CEBPZ: variants seen among roughly 807,000 people sequenced by gnomAD.
CEBPZ encodes CCAAT enhancer binding protein zeta, also known as CCAAT/enhancer-binding protein zeta.
A neutral mutation model predicts 104.5 loss-of-function variants in CEBPZ; 78 were observed. That is an observed-to-expected ratio of 0.75 (90% CI 0.62 to 0.90). CEBPZ has a LOEUF of 0.90. Ranked by LOEUF, CEBPZ falls within the 40% of genes least tolerant of loss-of-function variation. The pLI, the probability that CEBPZ is intolerant of heterozygous loss-of-function variation, is 0.00. For missense variants in CEBPZ, 1,439 were observed against 1,233.5 expected (o/e 1.17, Z -2.50); for synonymous variants, 470 against 427.0 (o/e 1.10, Z -1.24).
Position 37,228,667 on chromosome 2 carries a change from A to G in CEBPZ, c.526T>C (p.Leu176=), listed in dbSNP as rs1226470585. Residue 176 remains leucine (L), a synonymous_variant, in exon 2 of 16, where the codon TTA becomes CTA. Coordinates refer to ENST00000234170, the MANE Select transcript of CEBPZ (RefSeq NM_005760.3). ...IFEFFERQTL[L]LRPGGKWYDL... ...TACCATTTGCCTCCAGGCCTAAGTA[A>G]CAAAGTCTGTCTCTCAAAAAATTCA... 1 of 1,614,180 alleles carries G rather than the reference A, an allele frequency of 6.2e-7. No homozygotes were observed. The highest frequency in any genetic ancestry group is 1.7e-5 in the Admixed American group (1 of 60,014).
chr2:37,216,305 TA>T lies in CEBPZ; in HGVS notation c.2311+10del, dbSNP rs1171729449. ...AATGAAAGCCAAATAATTCACTAAA[TA>T]GAAGCATACCTTTGCCTTTATGGGG... is the stretch of plus-strand genomic sequence containing the variant. On this transcript the variant is annotated intron_variant, in intron 7 of 15. Coordinates refer to ENST00000234170, the MANE Select transcript of CEBPZ (RefSeq NM_005760.3). 6.2e-7 allele frequency: 1 copy of T among 1,611,278 alleles called. No individual in the cohort carries two copies.
At chr2:37,219,659 A>G (rs983882690) in intron 5 of CEBPZ, among the ~76,000 whole-genome samples, 4 of 152,240 alleles carry the variant, frequency 2.6e-5, no homozygotes, top group Admixed American at 1.3e-4. Context: ...GAATAGCTGC[A>G]TAAGATACTT....
At chr2:37,209,425 G>T (rs373182080) in intron 13 of CEBPZ, 2 of 152,188 alleles carry the variant, frequency 1.3e-5, no homozygotes, top group Admixed American at 6.5e-5. Flanking sequence ...AAAATAGCAT[G>T]GTACTTGTAC....
chr2:37,205,262 CT>C (rs1189028712), intron 13 of CEBPZ, among the ~76,000 whole-genome samples: 1 of 152,194 alleles, frequency 6.6e-6, no homozygotes. Context: ...ATCATATCCC[CT>C]GTGACCTGCA....
rs371943143 is a variant in CEBPZ, at chr2:37,227,769, T to C, written c.1424A>G (p.Lys475Arg). The change falls in exon 2 of 16, where the codon AAA becomes AGA. Residue 475 changes from lysine (K) to arginine (R), a missense_variant. Lys to Arg is a conservative substitution (Grantham distance 26). Coordinates refer to ENST00000234170, the MANE Select transcript of CEBPZ (RefSeq NM_005760.3). ...AAGCATTTTTGATTCAACATCTTTT[T>C]TTTTGACACAAGTCCGAAAAAAGCA... ...YFCFFRTCVK[K>R]KDVESKMLSA... 2.5e-6 allele frequency: 4 copies of C among 1,613,786 alleles called. No homozygotes were observed. In the African/African-American group the frequency reaches 5.3e-5, roughly 22 times the overall value.
chr2:37,213,524 G>T, intron 10 of CEBPZ: 1 of 173,678 alleles, frequency 5.8e-6, no homozygotes, highest in Non-Finnish European at 1.2e-5. Flanking sequence ...CGATTCTCGT[G>T]CCTCTGCTTC....
At chr2:37,217,189 G>T in intron 5 of CEBPZ, 152 bp from the exon 6 acceptor site, 1 of 626,158 alleles carries the variant, frequency 1.6e-6, no homozygotes, top group Non-Finnish European at 2.8e-6. Context: ...CTTGAGCCCA[G>T]AAGTTGAGAC....
At chr2:37,227,325 T>C (rs998406974) in intron 2 of CEBPZ, among the ~76,000 whole-genome samples, 1 of 152,220 alleles carries the variant, frequency 6.6e-6, no homozygotes, top group Non-Finnish European at 1.5e-5. Flanking sequence ...TTTTACAACC[T>C]CTCAAAATGA....
chr2:37,211,734 G>A (rs1028877115), intron 12 of CEBPZ, 109 bp downstream of exon 12: 4 of 744,622 alleles, frequency 5.4e-6, no homozygotes, highest in Non-Finnish European at 8.2e-6. Context: ...GCTGACATGA[G>A]TATTAATTTG....
intron 13 of CEBPZ, among the ~76,000 whole-genome samples, chr2:37,207,403 C>T (rs1677575944): frequency 1.3e-5 from 2 of 152,154 alleles, no homozygotes; most frequent in African/African-American, 2.4e-5. Flanking sequence ...TATGGTAGGC[C>T]ACAAAACAAG....
chr2:37,202,059 C>A, intron 15 of CEBPZ, 156 bp from the exon 16 acceptor site: 1 of 482,630 alleles, frequency 2.1e-6, no homozygotes, highest in South Asian at 5.7e-5. Flanking sequence ...TGCTTTTCTT[C>A]TCATATTTAT....
chr2:37,231,487 C>G lies in CEBPZ; in HGVS notation c.81G>C (p.Glu27Asp). ...RPEEAVEDPD[E>D]EDEDNTSEAE... ...CTTCACTAGTATTATCCTCATCCTCCTCGTCCGGATCTTCTACTGCCTCCT... is the reference window on the plus strand; with the variant it reads ...CTTCACTAGTATTATCCTCATCCTCGTCGTCCGGATCTTCTACTGCCTCCT... The change falls in exon 1 of 16, where the codon GAG (glutamate) becomes GAC (aspartate). Residue 27 changes from glutamate (E) to aspartate (D), a missense_variant. Transcript: ENST00000234170. 1 of 1,614,278 alleles carries G rather than the reference C, an allele frequency of 6.2e-7. No homozygotes were observed. Among genetic ancestry groups the G allele is most frequent in the Non-Finnish European group, 8.5e-7 (1 of 1,180,050 alleles).
Position 37,228,342 on chromosome 2 carries a change from A to G in CEBPZ, c.851T>C (p.Met284Thr), listed in dbSNP as rs1431848774. 5 of 1,614,108 alleles carry G rather than the reference A, an allele frequency of 3.1e-6. No homozygotes were observed. The highest frequency in any genetic ancestry group is 1.7e-5 in the Admixed American group (1 of 60,010). ...KKKGSKQQCL[M>T]ALDTFKELLI... ...CAACTCTTTGAAAGTATCCAAGGCC[A>G]TAAGGCACTGCTGTTTGCTGCCCTT... The change falls in exon 2 of 16, where the codon ATG becomes ACG. Residue 284 changes from methionine (M) to threonine (T), a missense_variant. Transcript: ENST00000234170.
In CEBPZ at chr2:37,216,379, A is replaced by C. The variant is rs1677867319; in HGVS notation, c.2248T>G (p.Phe750Val). ...CGATCCAAAAATCTCATTAGAGTGA[A>C]ATCCTGCAGTGGGTCCCCTGAATAC... is the stretch of plus-strand genomic sequence containing the variant. ...IQYSGDPLQD[F>V]TLMRFLDRFV... Residue 750 changes from phenylalanine to valine, a missense_variant, in exon 7 of 16, where the codon TTC becomes GTC. Coordinates refer to ENST00000234170, the MANE Select transcript of CEBPZ (RefSeq NM_005760.3). 1 of 1,613,764 alleles carries C rather than the reference A, an allele frequency of 6.2e-7. No individual in the cohort carries two copies. Among genetic ancestry groups the C allele is most frequent in the African/African-American group, 1.3e-5 (1 of 74,926 alleles).
At chr2:37,220,965 C>T (rs1030331421) in intron 4 of CEBPZ, among the ~76,000 whole-genome samples, 3 of 151,840 alleles carry the variant, frequency 2.0e-5, no homozygotes, top group Non-Finnish European at 4.4e-5. Flanking sequence ...CCATTGTGAT[C>T]CAGCCTTCCT....
chr2:37,227,407 G>A (rs1664912857), intron 2 of CEBPZ, 137 bp downstream of exon 2: 1 of 636,674 alleles, frequency 1.6e-6, no homozygotes, highest in Admixed American at 3.0e-5. Flanking sequence ...TTACTTGAAG[G>A]TGGCGAGTAG....
intron 1 of CEBPZ, among the ~76,000 whole-genome samples, chr2:37,229,581 C>A (rs1205907398): frequency 2.0e-5 from 3 of 152,166 alleles, no homozygotes; most frequent in African/African-American, 7.2e-5. Context: ...GTGGCGGAAA[C>A]GGCACTTTCA....
rs1438191405 is a variant in CEBPZ, at chr2:37,228,519, T to C, written c.674A>G (p.Asn225Ser). The C allele has an allele frequency of 1.4e-5, 22 of 1,614,112 alleles. No homozygotes were observed. The highest frequency in any genetic ancestry group is 2.2e-5 in the East Asian group (1 of 44,902). Reference sequence around the variant, plus strand: ...GGTAGAAGAGGCTCCCTTTTGACTATTCGTCTTACTTTTGAATAAGTTGAT... The same window carrying C: ...GGTAGAAGAGGCTCCCTTTTGACTACTCGTCTTACTTTTGAATAAGTTGAT... Reference protein sequence around the residue: ...HEINLFKSKTNSQKGASSTWM... With the variant: ...HEINLFKSKTSSQKGASSTWM... Residue 225 changes from asparagine (N) to serine (S), a missense_variant, in exon 2 of 16, where the codon AAT becomes AGT. By Grantham distance (46) the Asn-to-Ser change is conservative. Transcript: ENST00000234170.
intron 1 of CEBPZ, among the ~76,000 whole-genome samples, chr2:37,229,568 G>C (rs1318112625): frequency 6.6e-6 from 1 of 152,200 alleles, no homozygotes; most frequent in Non-Finnish European, 1.5e-5. Context: ...TGCTGGGGAA[G>C]GGGTGGCGGA....
Sources: allele counts gnomAD v4.1 joint callset (sites outside exome capture counted in the v4.1 genomes callset), GRCh38; gene constraint gnomAD v4.1.1; transcripts MANE v1.5; gene names NCBI Gene and HGNC (gene_info 2026-07-23, HGNC 2026-07-21).